Variants in C5 observed in about 807,000 individuals in gnomAD.
The protein encoded by C5 is C3 and PZP-like alpha-2-macroglobulin domain-containing protein 4.
A neutral mutation model predicts 218.8 loss-of-function variants in C5; 140 were observed. The ratio of observed to expected loss-of-function variants is 0.64; its 90% CI spans 0.56 to 0.74. The LOEUF (loss-of-function observed/expected upper bound fraction) is 0.74, where lower values mean the gene tolerates loss of function less well. Among genes scored for constraint, C5 ranks in the 30% least tolerant of loss-of-function variants. C5 has a pLI of 0.00. For synonymous variants in C5, 614 were observed against 682.3 expected, an observed-to-expected ratio of 0.90 and a Z score of 1.56; for missense variants, 1,700 against 1,969.6, an observed-to-expected ratio of 0.86 and a Z score of 2.59.
intron 33 of C5, among the ~76,000 whole-genome samples, chr9:120,964,218 C>T (rs1335488124): frequency 1.3e-5 from 2 of 152,204 alleles, no homozygotes; most frequent in African/African-American, 4.8e-5. Flanking sequence ...TGGCTTACGC[C>T]TATAATCCCA....
At chr9:120,985,299 G>A (rs2047025048) in intron 25 of C5, among the ~76,000 whole-genome samples, 1 of 152,144 alleles carries the variant, frequency 6.6e-6, no homozygotes, top group South Asian at 2.1e-4. Flanking sequence ...GCTTAATATG[G>A]TCTAGTTTAG....
At chr9:120,998,699 T>C (rs1448811811) in intron 20 of C5, among the ~76,000 whole-genome samples, 1 of 152,174 alleles carries the variant, frequency 6.6e-6, no homozygotes, top group Non-Finnish European at 1.5e-5. Context: ...TTGCATGAAC[T>C]CTCTAATCCT....
At chr9:120,968,419 C>T (rs1279403016) in intron 33 of C5, among the ~76,000 whole-genome samples, 1 of 152,204 alleles carries the variant, frequency 6.6e-6, no homozygotes, top group African/African-American at 2.4e-5. Flanking sequence ...CCCTACCCAG[C>T]TCCTTGATTT....
chr9:121,002,277 TATAC>T (rs1416194520), intron 20 of C5, among the ~76,000 whole-genome samples: 38 of 129,714 alleles, frequency 2.9e-4, no homozygotes, highest in Middle Eastern at 3.9e-3. Flanking sequence ...TATATGTATA[TATAC>T]GTATATATGT....
At chr9:120,957,077 G>T in intron 39 of C5, 1 of 468,148 alleles carries the variant, frequency 2.1e-6, no homozygotes, top group Non-Finnish European at 3.9e-6. Context: ...AAAACATTTT[G>T]CTGAAGTTTT....
chr9:120,996,126 G>T, intron 22 of C5, 114 bp downstream of exon 22: 1 of 868,784 alleles, frequency 1.2e-6, no homozygotes, highest in Non-Finnish European at 2.0e-6. Context: ...GCCAGAAGTG[G>T]ATACTACTGA....
intron 8 of C5, among the ~76,000 whole-genome samples, chr9:121,026,316 A>T (rs2047422945): frequency 6.6e-6 from 1 of 152,226 alleles, no homozygotes; most frequent in Non-Finnish European, 1.5e-5. Context: ...CCAGCGCCCT[A>T]ATCTCAGTTC....
chr9:120,970,134 T>C (rs754164533), intron 32 of C5, 36 bp downstream of exon 32: 8 of 1,425,588 alleles, frequency 5.6e-6, no homozygotes, highest in African/African-American at 4.2e-5. Context: ...GCTTTATTTT[T>C]AGCCAAAATT....
intron 32 of C5, among the ~76,000 whole-genome samples, chr9:120,969,620 G>A (rs1228396608): frequency 6.6e-6 from 1 of 152,146 alleles, no homozygotes; most frequent in Non-Finnish European, 1.5e-5. Context: ...AGGGATGTGA[G>A]GGCCTTGGGT....
the C5 span, chr9:121,074,722 G>C: frequency 2.3e-6 from 1 of 439,202 alleles, no homozygotes; most frequent in Non-Finnish European, 4.6e-6. Context: ...ATGAAACCTC[G>C]GCTCCCCCTG....
At chr9:121,014,194 G>T in intron 16 of C5, 124 bp from the exon 17 acceptor site, 1 of 808,486 alleles carries the variant, frequency 1.2e-6, no homozygotes, top group South Asian at 1.4e-5. Flanking sequence ...AATAGTTATG[G>T]CTAGTTGACT....
Position 121,014,022 on chromosome 9 carries a change from G to C in C5, c.2108C>G (p.Ala703Gly). 6.2e-7 allele frequency: 1 copy of C among 1,614,118 alleles called. No individual in the cohort carries two copies. The highest frequency in any genetic ancestry group is 8.5e-7 in the Non-Finnish European group (1 of 1,180,014). Residue 703 changes from alanine to glycine, a missense_variant, in exon 17 of 41, where the codon GCC becomes GGC. Transcript: ENST00000223642. Reference protein sequence around the residue: ...SVVKKCCYDGACVNNDETCEQ... With the variant: ...SVVKKCCYDGGCVNNDETCEQ... The stretch of plus-strand genomic sequence containing the variant: ...ACAGGTTTCATCATTATTAACGCAG[G>C]CTCCATCGTAACAACATTTCTTCAC...
At chr9:121,071,592 G>A in the C5 span, among the ~76,000 whole-genome samples, 1 of 152,198 alleles carries the variant, frequency 6.6e-6, no homozygotes, top group East Asian at 1.9e-4. Flanking sequence ...GGCTGAGGGA[G>A]GAGGATCACT....
At position 121,006,070 on chromosome 9, in the gene C5, A is replaced by G; in HGVS notation, c.2423-12T>C. 1.2e-6 allele frequency: 2 copies of G among 1,613,408 alleles called. No homozygotes were observed. Among genetic ancestry groups the G allele is most frequent in the Non-Finnish European group, 1.7e-6 (2 of 1,179,476 alleles). On this transcript the variant is annotated splice_polypyrimidine_tract_variant and intron_variant, in intron 19 of 40. Coordinates refer to ENST00000223642, the MANE Select transcript of C5 (RefSeq NM_001735.3). ...AGCAACACATATACCTTCAGCCCAA[A>G]GTGGAAGCAAAGTAGAATCATATTA...
chr9:120,986,021 G>GT (rs1174216245), intron 25 of C5, among the ~76,000 whole-genome samples: 13 of 152,140 alleles, frequency 8.5e-5, no homozygotes, highest in Admixed American at 8.5e-4. Flanking sequence ...CTTGCACACA[G>GT]TTTTCCAAGC....
intron 32 of C5, among the ~76,000 whole-genome samples, chr9:120,969,379 A>G (rs1444104419): frequency 6.6e-6 from 1 of 152,246 alleles, no homozygotes; most frequent in African/African-American, 2.4e-5. Context: ...TTAAAGATAA[A>G]TATGTATTGG....
Position 120,971,915 on chromosome 9 carries a change from C to T in C5, c.4080+15G>A. The T allele has an allele frequency of 1.3e-6, 2 of 1,590,392 alleles. No individual in the cohort carries two copies. Among genetic ancestry groups the T allele is most frequent in the Non-Finnish European group, 1.7e-6 (2 of 1,158,694 alleles). The stretch of plus-strand genomic sequence containing the variant: ...GGACACATAACTCGTTATTGGATAT[C>T]AATTAAATACTTACATGTACTGTAG... On this transcript the variant is annotated intron_variant, in intron 31 of 40. Coordinates refer to ENST00000223642, the MANE Select transcript of C5 (RefSeq NM_001735.3).
chr9:121,048,071 C>A (rs990713056), intron 1 of C5, among the ~76,000 whole-genome samples: 2 of 152,064 alleles, frequency 1.3e-5, no homozygotes, highest in East Asian at 3.8e-4. Flanking sequence ...AATTAGAAAT[C>A]GAACCTGAGC....
the C5 span, among the ~76,000 whole-genome samples, chr9:121,061,024 C>T: frequency 1.3e-5 from 2 of 152,202 alleles, no homozygotes; most frequent in South Asian, 2.1e-4. Context: ...CTTGTCTCTA[C>T]TAAAAATACA....
Sources: allele counts gnomAD v4.1 joint callset (sites outside exome capture counted in the v4.1 genomes callset), GRCh38; gene constraint gnomAD v4.1.1; transcripts MANE v1.5; gene names NCBI Gene and HGNC (gene_info 2026-07-23, HGNC 2026-07-21).